The following DNMT3L variants were observed in gnomAD, a reference collection of about 807,000 sequenced individuals.
DNMT3L encodes DNA methyltransferase 3 like.
In DNMT3L, 33 loss-of-function variants were observed where a neutral mutation model predicts 36.2. That is an observed-to-expected ratio of 0.91 (90% CI 0.69 to 1.22). The LOEUF is 1.22. Among genes scored for constraint, DNMT3L ranks in the 50% most tolerant of loss-of-function variants. The pLI is 0.00. For synonymous variants in DNMT3L, 117 were observed against 121.7 expected, an observed-to-expected ratio of 0.96 and a Z score of 0.26; for missense variants, 310 against 303.1, an observed-to-expected ratio of 1.02 and a Z score of -0.17.
chr21:44,259,061 C>G (rs1025992049), intron 5 of DNMT3L, among the ~76,000 whole-genome samples: 5 of 151,974 alleles, frequency 3.3e-5, no homozygotes, highest in Admixed American at 3.3e-4. Context: ...GCTGTAAATA[C>G]GAGGATGGCC....
Position 44,254,672 on chromosome 21 carries a change from G to A in DNMT3L, c.638C>T (p.Ser213Phe). ...LTSLGFLESG[S>F]DPGQLKHVVD... ...CACATGCTTCAGTTGTCCCGGGTCAGAACCACTTTCCAAAAAGCCCAAACT... is the reference window on the plus strand; with the variant it reads ...CACATGCTTCAGTTGTCCCGGGTCAAAACCACTTTCCAAAAAGCCCAAACT... The change falls in exon 8 of 12, where the codon TCT becomes TTT. Residue 213 changes from serine to phenylalanine, a missense_variant. Physicochemically the swap from Ser to Phe is radical, Grantham distance 155. Coordinates refer to ENST00000628202, the MANE Select transcript of DNMT3L (RefSeq NM_175867.3). 6.2e-7 allele frequency: 1 copy of A among 1,614,006 alleles called. No homozygotes were observed. The highest frequency in any genetic ancestry group is 1.1e-5 in the South Asian group (1 of 91,082).
intron 7 of DNMT3L, among the ~76,000 whole-genome samples, chr21:44,255,501 G>A (rs1323499658): frequency 1.5e-4 from 9 of 59,220 alleles, no homozygotes; most frequent in African/African-American, 5.9e-4. Context: ...GCGAGACTCC[G>A]CCTCAAAAAA....
rs745742350 is a variant in DNMT3L, at chr21:44,259,497, T to C, written c.284A>G (p.Tyr95Cys). The C allele has an allele frequency of 1.2e-6, 2 of 1,613,654 alleles. No individual in the cohort carries two copies. The highest frequency in any genetic ancestry group is 1.7e-6 in the Non-Finnish European group (2 of 1,179,986). ...FLYDDDGYQS[Y>C]CSICCSGETL... Reference sequence around the variant, plus strand: ...CTCTCCGGAGCAGCAGATGGAGCAGTAGGATTGGTACCCGTCATCGTCGTA... The same window carrying C: ...CTCTCCGGAGCAGCAGATGGAGCAGCAGGATTGGTACCCGTCATCGTCGTA... The change falls in exon 5 of 12, where the codon TAC becomes TGC. Residue 95 changes from tyrosine to cysteine, a missense_variant. Physicochemically the swap from Tyr to Cys is radical, Grantham distance 194 (BLOSUM62 -2). Coordinates refer to ENST00000628202, the MANE Select transcript of DNMT3L (RefSeq NM_175867.3).
intron 6 of DNMT3L, among the ~76,000 whole-genome samples, chr21:44,256,700 G>A (rs955913809): frequency 6.6e-6 from 1 of 152,062 alleles, no homozygotes; most frequent in Non-Finnish European, 1.5e-5. Flanking sequence ...CAGAGATGCC[G>A]GGGAGAGGTG....
intron 7 of DNMT3L, among the ~76,000 whole-genome samples, chr21:44,255,469 G>A (rs1056666873): frequency 6.7e-6 from 1 of 149,770 alleles, no homozygotes; most frequent in Non-Finnish European, 1.5e-5. Flanking sequence ...GCAGCGAGCC[G>A]AGATCAAGCC....
chr21:44,261,210 A>G lies in DNMT3L; in HGVS notation c.50T>C (p.Val17Ala), dbSNP rs528286200. The G allele has an allele frequency of 3.1e-6, 5 of 1,612,554 alleles. No homozygotes were observed. In the African/African-American group the frequency reaches 6.7e-5, roughly 22 times the overall value. The change falls in exon 2 of 12, where the codon GTG becomes GCG. Residue 17 changes from valine (V) to alanine (A), a missense_variant. Physicochemically the swap from Val to Ala is moderately conservative, Grantham distance 64. Transcript: ENST00000628202. ...LDPEAEPSMD[V>A]ILVGSSELSS... Reference sequence around the variant, plus strand: ...GAGCTCACTGGATCCCACCAAAATCACGTCCATGCTGGGCTCGGCCTCTGG... The same window carrying G: ...GAGCTCACTGGATCCCACCAAAATCGCGTCCATGCTGGGCTCGGCCTCTGG...
chr21:44,256,527 C>T (rs913903380), intron 6 of DNMT3L, among the ~76,000 whole-genome samples: 2 of 150,182 alleles, frequency 1.3e-5, no homozygotes, highest in African/African-American at 4.9e-5. Flanking sequence ...CGGGTTCAAG[C>T]GATTCTCCTG....
intron 6 of DNMT3L, 142 bp from the exon 7 acceptor site, chr21:44,256,296 A>G: frequency 1.2e-6 from 1 of 837,464 alleles, no homozygotes; most frequent in South Asian, 1.6e-5. Flanking sequence ...GCTGAGGCTG[A>G]CTGGGCCTGT....
At chr21:44,259,377 G>A in intron 5 of DNMT3L, 60 bp downstream of exon 5, 2 of 1,530,160 alleles carry the variant, frequency 1.3e-6, no homozygotes, top group Non-Finnish European at 1.8e-6. Flanking sequence ...AGAATGAGTA[G>A]CTGAAAGGAT....
Position 44,254,657 on chromosome 21 carries a change from AGTT to A in DNMT3L, c.650_652del (p.Gln217del). 1 of 1,614,010 alleles carries A rather than the reference AGTT, an allele frequency of 6.2e-7. No homozygotes were observed. Among genetic ancestry groups the A allele is most frequent in the South Asian group, 1.1e-5 (1 of 91,080 alleles). ...GTCTGTGACATCAACCACATGCTTC[AGTT>A]GTCCCGGGTCAGAACCACTTTCCAA... On this transcript the variant is annotated inframe_deletion, in exon 8 of 12. Transcript: ENST00000628202.
chr21:44,257,774 G>C (rs1304796158), intron 6 of DNMT3L, among the ~76,000 whole-genome samples: 2 of 152,192 alleles, frequency 1.3e-5, no homozygotes, highest in Non-Finnish European at 2.9e-5. Context: ...TCACAGCTCA[G>C]GAGGCCAGAG....
At position 44,258,133 on chromosome 21, in the gene DNMT3L, C is replaced by G. The variant is rs558104309; in HGVS notation, c.516+390G>C. On this transcript the variant is annotated intron_variant, in intron 6 of 11. Coordinates refer to ENST00000628202, the MANE Select transcript of DNMT3L (RefSeq NM_175867.3). The surrounding 1 kb of genome is among the most constrained non-coding windows in gnomAD (Gnocchi z 6.2). ...CCCTCTCAGAGGGACAAAATTCCAC[C>G]TTCTCTGCCTTTGTCTGAGGTTCCT... is the stretch of plus-strand genomic sequence containing the variant. Among the ~76,000 whole-genome samples the G allele has an allele frequency of 1.3e-5, 2 of 152,290 alleles. No homozygotes were observed. Among genetic ancestry groups the G allele is most frequent in the South Asian group, 4.1e-4 (2 of 4,826 alleles).
Position 44,258,728 on chromosome 21 carries a change from T to G in DNMT3L, c.345-34A>C. Reference sequence around the variant, plus strand: ...AGACAGAAAACCACAGCAGCGGACATGACAGCCCACCTCTCCTGAGGATGG... The same window carrying G: ...AGACAGAAAACCACAGCAGCGGACAGGACAGCCCACCTCTCCTGAGGATGG... On this transcript the variant is annotated intron_variant, in intron 5 of 11. Coordinates refer to ENST00000628202, the MANE Select transcript of DNMT3L (RefSeq NM_175867.3). The surrounding 1 kb of genome is among the most constrained non-coding windows in gnomAD (Gnocchi z 6.2). 1 of 1,602,324 alleles carries G rather than the reference T, an allele frequency of 6.2e-7. No homozygotes were observed. Among genetic ancestry groups the G allele is most frequent in the Non-Finnish European group, 8.5e-7 (1 of 1,172,726 alleles).
chr21:44,261,415 C>G (rs1443582637), intron 1 of DNMT3L, 149 bp from the exon 2 acceptor site: 1 of 699,544 alleles, frequency 1.4e-6, no homozygotes, highest in Non-Finnish European at 2.4e-6. Flanking sequence ...ACCTGCCCAA[C>G]CCAGGGATGA....
rs2040280395 is a variant in DNMT3L, at chr21:44,258,215, G to GA, written c.516+307dup. On this transcript the variant is annotated intron_variant, in intron 6 of 11. Transcript: ENST00000628202. The surrounding 1 kb of genome is among the most constrained non-coding windows in gnomAD (Gnocchi z 6.2). ...CAAAACGGCCCACACCTGGCCAGCA[G>GA]AAGCCCAGGCACTTGCTCCTGAGGA... Among the ~76,000 whole-genome samples the GA allele has an allele frequency of 6.6e-6, 1 of 152,118 alleles. No individual in the cohort carries two copies. Among genetic ancestry groups the GA allele is most frequent in the Non-Finnish European group, 1.5e-5 (1 of 68,018 alleles).
chr21:44,260,925 G>A lies in DNMT3L; in HGVS notation c.107-86C>T, dbSNP rs114308751. 5,004 of 1,597,894 alleles carry A rather than the reference G, an allele frequency of 3.1e-3. 18 individuals carry two copies. Among genetic ancestry groups the A allele is most frequent in the African/African-American group, 0.015 (1,100 of 74,706 alleles). On this transcript the variant is annotated intron_variant, in intron 2 of 11. Transcript: ENST00000628202. ...GGCCAGGAAGTGAGCATCACAATTC[G>A]TTTTCCAAAGTCACAGGAGCCTGAG...
Position 44,259,529 on chromosome 21 carries a change from G to A in DNMT3L, c.252C>T (p.Leu84=). 1.2e-6 allele frequency: 2 copies of A among 1,613,736 alleles called. No individual in the cohort carries two copies. Among genetic ancestry groups the A allele is most frequent in the Middle Eastern group, 1.6e-4 (1 of 6,062 alleles). ...APCKDKFLDA[L]FLYDDDGYQS... ...GGTACCCGTCATCGTCGTACAGGAA[G>A]AGGGCATCCAGGAACTTGTCCTTGG... Residue 84 remains leucine, a synonymous_variant, in exon 5 of 12, where the codon CTC becomes CTT. Coordinates refer to ENST00000628202, the MANE Select transcript of DNMT3L (RefSeq NM_175867.3).
chr21:44,259,715 A>C lies in DNMT3L; in HGVS notation c.152-4T>G, dbSNP rs1161315266. The C allele has an allele frequency of 1.2e-6, 2 of 1,607,946 alleles. No individual in the cohort carries two copies. The highest frequency in any genetic ancestry group is 1.6e-4 in the Middle Eastern group (1 of 6,084). On this transcript the variant is annotated splice_region_variant and splice_polypyrimidine_tract_variant and intron_variant, in intron 3 of 11. Coordinates refer to ENST00000628202, the MANE Select transcript of DNMT3L (RefSeq NM_175867.3). The stretch of plus-strand genomic sequence containing the variant: ...CTTCCGCAGCAGATGCAGATGTCTA[A>C]AGGAAACATTCAAAGCACACTGTGT...
chr21:44,259,278 AGGGCT>A (rs2040293842), intron 5 of DNMT3L, among the ~76,000 whole-genome samples, 154 bp downstream of exon 5: 1 of 152,204 alleles, frequency 6.6e-6, no homozygotes, highest in Non-Finnish European at 1.5e-5. Context: ...CCCATAGCTC[AGGGCT>A]CTATGCCAAA....
Sources: allele counts gnomAD v4.1 joint callset (sites outside exome capture counted in the v4.1 genomes callset), GRCh38; gene constraint gnomAD v4.1.1; non-coding constraint Gnocchi (gnomAD v3.1); transcripts MANE v1.5; gene names NCBI Gene and HGNC (gene_info 2026-07-23, HGNC 2026-07-21).